The following BAIAP2 variants were observed in gnomAD, a reference collection of about 807,000 sequenced individuals.
BAIAP2 encodes the protein BAR/IMD domain containing adaptor protein 2.
BAIAP2 carries 18 observed loss-of-function variants against 63.0 expected under a neutral mutation model. The ratio of observed to expected loss-of-function variants is 0.29; its 90% CI spans 0.20 to 0.42. BAIAP2 has a LOEUF of 0.42. BAIAP2 is among the 10% of genes least tolerant of loss of function. The pLI, the probability that BAIAP2 is intolerant of heterozygous loss-of-function variation, is 1.00. For missense variants in BAIAP2, 610 were observed against 734.3 expected (o/e 0.83, Z 1.96); for synonymous variants, 386 against 307.6 (o/e 1.25, Z -2.67).
rs377623600 is a variant in BAIAP2 at position 81,093,501 on chromosome 17, G to C, written c.490-6427G>C. 8.1e-3 allele frequency among the ~76,000 whole-genome samples: 1,239 copies of C among 152,142 alleles called. 11 individuals carry two copies. Among genetic ancestry groups the C allele is most frequent in the South Asian group, 0.029 (138 of 4,812 alleles). ...GAGGCAGGTGCAGCCCTCGCTGGCCGGTCGTGAGTGAGGAGGGAGAGATGG... is the reference window on the plus strand; with the variant it reads ...GAGGCAGGTGCAGCCCTCGCTGGCCCGTCGTGAGTGAGGAGGGAGAGATGG... On this transcript the variant is annotated intron_variant, in intron 6 of 13. Coordinates refer to ENST00000428708, the MANE Select transcript of BAIAP2 (RefSeq NM_001144888.2).
chr17:81,109,752 G>A, intron 13 of BAIAP2: 1 of 985,456 alleles, frequency 1.0e-6, no homozygotes, highest in Non-Finnish European at 1.2e-6. Flanking sequence ...AGCAAGGTCG[G>A]GGGCAGGCGC....
Position 81,042,679 on chromosome 17 carries a change from G to T in BAIAP2, c.54+7371G>T, listed in dbSNP as rs576751070. Among the ~76,000 whole-genome samples, 5 of 152,192 alleles carry T rather than the reference G, an allele frequency of 3.3e-5. No homozygotes were observed. In the South Asian group the frequency reaches 1.0e-3, roughly 32 times the overall value. ...TGGAATGCGCTGGGGTAGCACAGGT[G>T]CCTGTGCCGGAAAACAGCGACATCT... On this transcript the variant is annotated intron_variant, in intron 1 of 13. Coordinates refer to ENST00000428708, the MANE Select transcript of BAIAP2 (RefSeq NM_001144888.2).
intron 6 of BAIAP2, among the ~76,000 whole-genome samples, chr17:81,091,799 C>T (rs568927848): frequency 6.6e-6 from 1 of 152,354 alleles, no homozygotes; most frequent in African/African-American, 2.4e-5. Context: ...CTGCGGTTCC[C>T]AAGCTGCCCC....
At chr17:81,084,696 T>C in intron 3 of BAIAP2, 136 bp from the exon 4 acceptor site, 1 of 782,848 alleles carries the variant, frequency 1.3e-6, no homozygotes, top group Non-Finnish European at 2.2e-6. Context: ...CCCTCCCTTC[T>C]GGCCCTGACA....
At chr17:81,096,384 C>CA (rs1400689569) in intron 6 of BAIAP2, among the ~76,000 whole-genome samples, 1 of 152,206 alleles carries the variant, frequency 6.6e-6, no homozygotes, top group African/African-American at 2.4e-5. Context: ...GAGGCTGCCC[C>CA]ACTTAAGGGA....
intron 1 of BAIAP2, among the ~76,000 whole-genome samples, chr17:81,036,689 C>G (rs902117609): frequency 6.6e-6 from 1 of 152,188 alleles, no homozygotes; most frequent in Non-Finnish European, 1.5e-5. Context: ...TTCAGGGTGA[C>G]CTGAGGAGTC....
chr17:81,110,114 C>G, intron 13 of BAIAP2: 1 of 985,360 alleles, frequency 1.0e-6, no homozygotes, highest in South Asian at 4.7e-5. Context: ...CCGGCTCAGC[C>G]TGCCCGCTGG....
At chr17:81,049,333 G>T (rs947063409) in intron 1 of BAIAP2, among the ~76,000 whole-genome samples, 3 of 152,202 alleles carry the variant, frequency 2.0e-5, no homozygotes, top group African/African-American at 7.2e-5. Context: ...GGCACAGCGT[G>T]TCCCTGAGCG....
chr17:81,089,801 A>G (rs768081907), intron 6 of BAIAP2, among the ~76,000 whole-genome samples: 3 of 152,162 alleles, frequency 2.0e-5, no homozygotes, highest in Non-Finnish European at 4.4e-5. Context: ...GGCGGGGACC[A>G]TGTGGGCGGA....
chr17:81,035,344 G>A (rs201454951), intron 1 of BAIAP2, 36 bp downstream of exon 1: 5 of 1,280,272 alleles, frequency 3.9e-6, no homozygotes, highest in Non-Finnish European at 5.0e-6. Flanking sequence ...AGCCCGCTCC[G>A]TGTGCGCCTG....
intron 6 of BAIAP2, among the ~76,000 whole-genome samples, chr17:81,092,165 G>A (rs1011579368): frequency 8.5e-5 from 13 of 152,228 alleles, no homozygotes; most frequent in African/African-American, 2.9e-4. Context: ...GAAACCTGGC[G>A]CCAGCTGCAC....
intron 3 of BAIAP2, among the ~76,000 whole-genome samples, chr17:81,084,568 T>A (rs928731926): frequency 6.6e-6 from 1 of 151,788 alleles, no homozygotes; most frequent in Non-Finnish European, 1.5e-5. Context: ...TCTTCCTGTC[T>A]CTCGCCTTTG....
intron 1 of BAIAP2, among the ~76,000 whole-genome samples, chr17:81,040,534 G>C (rs1238518454): frequency 6.6e-6 from 1 of 152,282 alleles, no homozygotes; most frequent in Admixed American, 6.5e-5. Flanking sequence ...GCAAGGGCTT[G>C]ATCTGTCCTG....
intron 3 of BAIAP2, among the ~76,000 whole-genome samples, chr17:81,069,240 A>T (rs763437387): frequency 7.2e-5 from 11 of 152,202 alleles, no homozygotes; most frequent in Non-Finnish European, 1.5e-4. Context: ...CAGCAGTCAC[A>T]TGCAGGCGGT....
At position 81,057,664 on chromosome 17, in the gene BAIAP2, A is replaced by C. The variant is rs1032439356; in HGVS notation, c.131-217A>C. The C allele has an allele frequency of 4.1e-5, 55 of 1,348,732 alleles. No individual in the cohort carries two copies. The Middle Eastern group carries it at 8.2e-4, about 20-fold the overall frequency. The allele number at this position is 1,348,732 out of a possible 1,614,324, so 83.5% of individuals were successfully genotyped here. On this transcript the variant is annotated intron_variant, in intron 2 of 13. Coordinates refer to ENST00000428708, the MANE Select transcript of BAIAP2 (RefSeq NM_001144888.2). ...ACCTGAACTGGTACGTTGTGTTCTT[A>C]CGAGTCAAGGGAGCTCTCATGATTG...
intron 6 of BAIAP2, among the ~76,000 whole-genome samples, chr17:81,090,633 G>A (rs1273972695): frequency 6.6e-6 from 1 of 152,238 alleles, no homozygotes; most frequent in African/African-American, 2.4e-5. Context: ...CTCCCCAGTG[G>A]CCTGGAAGCC....
At position 81,106,844 on chromosome 17, in the gene BAIAP2, C is replaced by T. The variant is rs368718135; in HGVS notation, c.1437C>T (p.Pro479=). ...PDYGAASRAF[P]AQTASGFKQR... ...ACGGCGCCGCCTCCCGGGCCTTCCC[C>T]GCCCAGACGGCCAGCGGCTTCAAGC... Residue 479 remains proline, a synonymous_variant, in exon 12 of 14, where the codon CCC becomes CCT. Coordinates refer to ENST00000428708, the MANE Select transcript of BAIAP2 (RefSeq NM_001144888.2). 65 of 1,609,688 alleles carry T rather than the reference C, an allele frequency of 4.0e-5. No individual in the cohort carries two copies. The Middle Eastern group carries it at 5.0e-4, about 12-fold the overall frequency.
At chr17:81,081,980 G>C (rs2054691693) in intron 3 of BAIAP2, among the ~76,000 whole-genome samples, 2 of 152,154 alleles carry the variant, frequency 1.3e-5, no homozygotes. Context: ...TGGAGGTACT[G>C]GGTGTGCCAG....
intron 1 of BAIAP2, among the ~76,000 whole-genome samples, chr17:81,051,705 TTA>T (rs1370375239): frequency 1.3e-5 from 2 of 152,292 alleles, no homozygotes; most frequent in African/African-American, 4.8e-5. Context: ...TTTATTTTTT[TTA>T]GAGACAGGGT....
Sources: allele counts gnomAD v4.1 joint callset (sites outside exome capture counted in the v4.1 genomes callset), GRCh38; gene constraint gnomAD v4.1.1; transcripts MANE v1.5; gene names NCBI Gene and HGNC (gene_info 2026-07-23, HGNC 2026-07-21).